Variants in NINL observed in about 807,000 individuals in gnomAD.
The protein encoded by NINL is ninein like.
In NINL, 153 loss-of-function variants were observed where a neutral mutation model predicts 160.3. That is an observed-to-expected ratio of 0.95 (90% CI 0.84 to 1.09). The LOEUF is 1.09. Ranked by LOEUF, NINL falls within the 50% of genes least tolerant of loss-of-function variation. The pLI, the probability that NINL is intolerant of heterozygous loss-of-function variation, is 0.00. For synonymous variants in NINL, 800 were observed against 734.8 expected (o/e 1.09, Z -1.43); for missense variants, 1,829 against 1,764.0 (o/e 1.04, Z -0.66).
At chr20:25,482,184 C>T in intron 13 of NINL, 84 bp from the exon 14 acceptor site, 3 of 1,491,680 alleles carry the variant, frequency 2.0e-6, no homozygotes, top group Non-Finnish European at 2.7e-6. Flanking sequence ...CCAGGGGGGT[C>T]CCTTGCAGGT....
At chr20:25,555,056 C>T (rs2064851088) in intron 1 of NINL, among the ~76,000 whole-genome samples, 1 of 152,154 alleles carries the variant, frequency 6.6e-6, no homozygotes, top group Non-Finnish European at 1.5e-5. Flanking sequence ...GTCGAGATCA[C>T]AGGCTGAGAT....
chr20:25,525,262 A>T (rs16987820), intron 2 of NINL, among the ~76,000 whole-genome samples: 8,864 of 152,306 alleles, frequency 0.058, 289 homozygotes, highest in Middle Eastern at 0.13. Flanking sequence ...CAGACTCTCT[A>T]CTAGGCCAGC....
intron 8 of NINL, chr20:25,499,254 C>A (rs548649875): frequency 1.0e-6 from 1 of 984,796 alleles, no homozygotes; most frequent in Non-Finnish European, 1.2e-6. Flanking sequence ...CTCCCCACCA[C>A]GTCACTGGAT....
At position 25,503,869 on chromosome 20, in the gene NINL, G is replaced by A. The variant is rs1049447511; in HGVS notation, c.861+83C>T. 2.0e-6 allele frequency: 3 copies of A among 1,524,808 alleles called. No homozygotes were observed. In the African/African-American group the frequency reaches 4.1e-5, roughly 21 times the overall value. 94.5% of individuals were successfully genotyped at this position (1,524,808 alleles called of 1,614,324 possible). ...GGACAGCTTGTTGTGTGGTGACACA[G>A]GCAGGGAGGGAGTCAGCAGTTTTAG... On this transcript the variant is annotated intron_variant, in intron 7 of 23. Transcript: ENST00000278886.
intron 1 of NINL, among the ~76,000 whole-genome samples, chr20:25,562,090 C>G (rs1157072990): frequency 6.9e-6 from 1 of 145,268 alleles, no homozygotes; most frequent in African/African-American, 2.6e-5. Context: ...GTCAGCCCCC[C>G]GCCCAGCCAG....
At chr20:25,557,867 G>A (rs2064886978) in intron 1 of NINL, among the ~76,000 whole-genome samples, 2 of 151,862 alleles carry the variant, frequency 1.3e-5, no homozygotes, top group South Asian at 2.1e-4. Flanking sequence ...AGTGGCTCAC[G>A]CTTGTAATCC....
Position 25,482,053 on chromosome 20 carries a change from C to T in NINL, c.1725G>A (p.Leu575=). The part of the protein sequence containing the change: ...NDELQAELEG[L]WARLPKNRHS... ...GCCGGTTCTTGGGCAGCCGCGCCCA[C>T]AGGCCTTCCAGCTCAGCTTGCAGCT... Residue 575 remains leucine (L), a synonymous_variant, in exon 14 of 24, where the codon CTG becomes CTA. Coordinates refer to ENST00000278886, the MANE Select transcript of NINL (RefSeq NM_025176.6). 1.9e-6 allele frequency: 3 copies of T among 1,598,360 alleles called. No individual in the cohort carries two copies. Among genetic ancestry groups the T allele is most frequent in the Non-Finnish European group, 2.5e-6 (3 of 1,179,594 alleles).
At chr20:25,506,758 T>G (rs1203000659) in intron 5 of NINL, among the ~76,000 whole-genome samples, 1 of 152,212 alleles carries the variant, frequency 6.6e-6, no homozygotes, top group African/African-American at 2.4e-5. Context: ...TTCTACTGAA[T>G]GCATATTGAC....
intron 1 of NINL, among the ~76,000 whole-genome samples, chr20:25,533,112 C>T (rs113930353): frequency 0.015 from 2,311 of 152,258 alleles, 32 homozygotes; most frequent in Middle Eastern, 0.024. Context: ...CCAGGCAACA[C>T]GACAGCAGAC....
chr20:25,464,385 C>T (rs549667942), intron 19 of NINL, among the ~76,000 whole-genome samples: 3 of 152,054 alleles, frequency 2.0e-5, no homozygotes, highest in Non-Finnish European at 4.4e-5. Flanking sequence ...CCACTGCACT[C>T]CAGCCAGAGT....
chr20:25,517,682 T>G (rs945224733), intron 3 of NINL, 71 bp downstream of exon 3: 1 of 1,183,994 alleles, frequency 8.4e-7, no homozygotes, highest in African/African-American at 1.6e-5. Context: ...CTGGATTCTT[T>G]CATTAGAATA....
rs561508492 is a variant in NINL at position 25,548,404 on chromosome 20, G to A, written c.-11-21806C>T. Among the ~76,000 whole-genome samples the A allele has an allele frequency of 2.5e-3, 377 of 152,304 alleles. 3 individuals carry two copies. The highest frequency in any genetic ancestry group is 4.2e-3 in the Non-Finnish European group (289 of 68,016). On this transcript the variant is annotated intron_variant, in intron 1 of 23. Coordinates refer to ENST00000278886, the MANE Select transcript of NINL (RefSeq NM_025176.6). Reference sequence around the variant, plus strand: ...AGAGGACACCAAGCAGCCTGGTCTTGGACAGGGTGTTCTGCAGATGGCCAT... The same window carrying A: ...AGAGGACACCAAGCAGCCTGGTCTTAGACAGGGTGTTCTGCAGATGGCCAT...
chr20:25,534,610 A>T (rs2147010816), intron 1 of NINL, among the ~76,000 whole-genome samples: 1 of 152,340 alleles, frequency 6.6e-6, no homozygotes, highest in Middle Eastern at 3.4e-3. Context: ...TAAACATAGA[A>T]AAGGTACAGA....
chr20:25,574,281 A>G (rs907957196), intron 1 of NINL, among the ~76,000 whole-genome samples: 2 of 152,226 alleles, frequency 1.3e-5, no homozygotes, highest in Admixed American at 1.3e-4. Flanking sequence ...TCTGGATCCC[A>G]AAGTCATTTC....
intron 2 of NINL, among the ~76,000 whole-genome samples, chr20:25,518,863 CGAGGCAGGTGGATCACTT>C (rs2064210882): frequency 6.6e-6 from 1 of 151,740 alleles, no homozygotes; most frequent in Non-Finnish European, 1.5e-5. Flanking sequence ...TTTGGGAGGC[CGAGGCAGGTGGATCACTT>C]GAGGTCAGGA....
At chr20:25,562,736 A>G (rs2064958511) in intron 1 of NINL, among the ~76,000 whole-genome samples, 2 of 151,100 alleles carry the variant, frequency 1.3e-5, no homozygotes. Flanking sequence ...ACCCTGCCAA[A>G]TCCCCCTCTG....
At chr20:25,517,870 AGAG>A in intron 2 of NINL, 21 bp from the exon 3 acceptor site, 1 of 1,515,358 alleles carries the variant, frequency 6.6e-7, no homozygotes, top group Non-Finnish European at 9.0e-7. Flanking sequence ...TGAAGGTGAG[AGAG>A]GACAATGTCA....
At chr20:25,544,065 G>A (rs1291840463) in intron 1 of NINL, among the ~76,000 whole-genome samples, 1 of 127,950 alleles carries the variant, frequency 7.8e-6, no homozygotes, top group Non-Finnish European at 1.6e-5. Context: ...AGAATTTTGA[G>A]TGCTCCAACT....
intron 16 of NINL, among the ~76,000 whole-genome samples, chr20:25,477,788 AGAG>A (rs1200298229): frequency 6.6e-6 from 1 of 152,102 alleles, no homozygotes; most frequent in African/African-American, 2.4e-5. Flanking sequence ...CTGGATGCTG[AGAG>A]GAGAGGGGCT....
Sources: gnomAD v4.1 joint callset for allele counts (sites outside exome capture counted in the v4.1 genomes callset) on GRCh38, gnomAD v4.1.1 for gene constraint, MANE v1.5 for transcripts, NCBI Gene and HGNC (gene_info 2026-07-23, HGNC 2026-07-21) for gene names.